The following NPAS3 variants were observed in gnomAD, a reference collection of about 807,000 sequenced individuals.
NPAS3 encodes neuronal PAS domain protein 3, also known as neuronal PAS domain-containing protein 3.
A neutral mutation model predicts 73.1 loss-of-function variants in NPAS3; 14 were observed. The observed-to-expected ratio is 0.19, with a 90% CI of 0.13 to 0.30. The LOEUF is 0.30. Ranked by LOEUF, NPAS3 falls within the 10% of genes least tolerant of loss-of-function variation. The pLI is 1.00. For synonymous variants in NPAS3, 620 were observed against 541.5 expected (o/e 1.14, Z -2.01); for missense variants, 1,096 against 1,250.0 (o/e 0.88, Z 1.86).
chr14:33,095,666 TTTTA>T lies in NPAS3; in HGVS notation c.140+39676_140+39679del, dbSNP rs1566556267. Among the ~76,000 whole-genome samples the T allele has an allele frequency of 4.5e-3, 602 of 134,278 alleles. 117 individuals are homozygous for T. Among genetic ancestry groups the T allele is most frequent in the African/African-American group, 0.015 (483 of 33,068 alleles). 88.1% of individuals were successfully genotyped at this position (134,278 alleles called of 152,430 possible). A position where few individuals can be genotyped will look rare whatever the true frequency, so the allele number is the denominator to read the frequency against. On this transcript the variant is annotated intron_variant, in intron 2 of 11. Coordinates refer to ENST00000356141, the Ensembl canonical transcript of NPAS3. ...GCGTGGGCATTCTCTGCTTTTATTT[TTTTA>T]TTTTTTTTTTTTTTTTGAGAGGGAG...
At chr14:33,536,687 G>A (rs529174790) in intron 4 of NPAS3, among the ~76,000 whole-genome samples, 2 of 151,340 alleles carry the variant, frequency 1.3e-5, no homozygotes, top group Non-Finnish European at 1.5e-5. Flanking sequence ...GCTTTTTTAT[G>A]CTTTGGAGGT....
chr14:33,477,562 G>A (rs1410079992), intron 4 of NPAS3, among the ~76,000 whole-genome samples: 1 of 151,964 alleles, frequency 6.6e-6, no homozygotes, highest in African/African-American at 2.4e-5. Flanking sequence ...CACACACACA[G>A]CCATATAAGT....
chr14:33,578,442 C>T, intron 5 of NPAS3: 3 of 345,318 alleles, frequency 8.7e-6, no homozygotes, highest in South Asian at 6.7e-5. Context: ...GATCTGCCCG[C>T]CTCAGCCTCC....
At chr14:33,303,700 C>T (rs2042642841) in intron 3 of NPAS3, among the ~76,000 whole-genome samples, 1 of 152,110 alleles carries the variant, frequency 6.6e-6, no homozygotes, top group African/African-American at 2.4e-5. Context: ...CTATTCATAG[C>T]ATTAAGGGAT....
chr14:33,125,761 GAAGA>G (rs1566586969), intron 2 of NPAS3, among the ~76,000 whole-genome samples: 2 of 152,098 alleles, frequency 1.3e-5, no homozygotes, highest in Non-Finnish European at 2.9e-5. Flanking sequence ...GTAGGAGTTA[GAAGA>G]AAGAAACAAA....
At chr14:33,540,586 G>A (rs1462640730) in intron 4 of NPAS3, among the ~76,000 whole-genome samples, 1 of 152,150 alleles carries the variant, frequency 6.6e-6, no homozygotes, top group Non-Finnish European at 1.5e-5. Context: ...GCAAAAGGTT[G>A]TATTAGCTTT....
chr14:33,304,329 A>G (rs2042673075), intron 3 of NPAS3, among the ~76,000 whole-genome samples: 1 of 152,182 alleles, frequency 6.6e-6, no homozygotes, highest in Admixed American at 6.5e-5. Context: ...AGCTATTTCA[A>G]ATAGAAGTTA....
At chr14:33,446,586 T>G (rs1191449211) in intron 4 of NPAS3, among the ~76,000 whole-genome samples, 1 of 152,258 alleles carries the variant, frequency 6.6e-6, no homozygotes, top group Non-Finnish European at 1.5e-5. Flanking sequence ...GGAGAAAAAC[T>G]TGTTAGCAGT....
intron 5 of NPAS3, among the ~76,000 whole-genome samples, chr14:33,587,601 T>G (rs1019907056): frequency 2.6e-5 from 4 of 152,200 alleles, no homozygotes; most frequent in African/African-American, 9.6e-5. Flanking sequence ...TCCTCTTCAT[T>G]GTTGTTATCA....
At chr14:33,068,211 G>A (rs572070166) in intron 2 of NPAS3, among the ~76,000 whole-genome samples, 47 of 152,294 alleles carry the variant, frequency 3.1e-4, no homozygotes, top group African/African-American at 1.1e-3. Flanking sequence ...TCCATCTCAC[G>A]TCAAGCTGTC....
intron 2 of NPAS3, among the ~76,000 whole-genome samples, chr14:33,093,953 A>T (rs1224627597): frequency 2.6e-5 from 4 of 151,944 alleles, no homozygotes; most frequent in Non-Finnish European, 4.4e-5. Context: ...GGAACATCAC[A>T]CACCGGGGCC....
At chr14:33,263,746 C>T (rs2049063133) in intron 3 of NPAS3, among the ~76,000 whole-genome samples, 1 of 152,114 alleles carries the variant, frequency 6.6e-6, no homozygotes, top group South Asian at 2.1e-4. Flanking sequence ...ATTCTTCCTA[C>T]CCATGAGCAT....
chr14:33,110,904 T>C (rs2042871245), intron 2 of NPAS3, among the ~76,000 whole-genome samples: 1 of 152,160 alleles, frequency 6.6e-6, no homozygotes, highest in Non-Finnish European at 1.5e-5. Context: ...GACATAGCAG[T>C]TGTGGGAAGC....
At chr14:33,297,821 G>T (rs544632292) in intron 3 of NPAS3, among the ~76,000 whole-genome samples, 25 of 152,146 alleles carry the variant, frequency 1.6e-4, no homozygotes, top group African/African-American at 6.0e-4. Context: ...CTGCCACCGC[G>T]TGAGAAATGT....
At chr14:33,521,666 G>A (rs368789782) in intron 4 of NPAS3, among the ~76,000 whole-genome samples, 1 of 151,980 alleles carries the variant, frequency 6.6e-6, no homozygotes. Flanking sequence ...TTCTTGTATT[G>A]ACCATTTTTT....
intron 1 of NPAS3, among the ~76,000 whole-genome samples, chr14:33,020,140 T>C (rs545421065): frequency 6.6e-6 from 1 of 152,378 alleles, no homozygotes; most frequent in South Asian, 2.1e-4. Flanking sequence ...AAAATGGGTA[T>C]GTCTTGACAA....
intron 9 of NPAS3, among the ~76,000 whole-genome samples, chr14:33,779,444 C>T (rs1196370688): frequency 3.3e-5 from 5 of 152,294 alleles, no homozygotes; most frequent in South Asian, 2.1e-4. Flanking sequence ...TCCCCTACCC[C>T]CTATCCATGT....
intron 2 of NPAS3, among the ~76,000 whole-genome samples, chr14:33,134,686 G>A (rs961935311): frequency 2.0e-5 from 3 of 152,156 alleles, no homozygotes; most frequent in Admixed American, 6.5e-5. Flanking sequence ...TGGGCAACAA[G>A]ATGGACCCAT....
chr14:32,976,759 A>T (rs1000303199), intron 1 of NPAS3, among the ~76,000 whole-genome samples: 2 of 152,222 alleles, frequency 1.3e-5, no homozygotes, highest in African/African-American at 4.8e-5. Context: ...AGGCAAGTAG[A>T]AGTATCTGTG....
Sources: allele counts gnomAD v4.1 joint callset (sites outside exome capture counted in the v4.1 genomes callset), GRCh38; gene constraint gnomAD v4.1.1; transcripts MANE v1.5; gene names NCBI Gene and HGNC (gene_info 2026-07-23, HGNC 2026-07-21).